SKAP1: variants seen among roughly 807,000 people sequenced by gnomAD.
The protein encoded by SKAP1 is src kinase associated phosphoprotein 1, also known as src kinase-associated phosphoprotein 1.
A neutral mutation model predicts 58.5 loss-of-function variants in SKAP1; 44 were observed. The ratio of observed to expected loss-of-function variants is 0.75; its 90% CI spans 0.59 to 0.97. The LOEUF is 0.97. SKAP1 is among the 50% of genes least tolerant of loss of function. The pLI, the probability that SKAP1 is intolerant of heterozygous loss-of-function variation, is 0.00. For synonymous variants in SKAP1, 127 were observed against 149.7 expected (o/e 0.85, Z 1.11); for missense variants, 390 against 435.2 (o/e 0.90, Z 0.92).
intron 4 of SKAP1, among the ~76,000 whole-genome samples, chr17:48,194,097 C>T (rs1275210166): frequency 2.6e-5 from 4 of 152,062 alleles, no homozygotes; most frequent in Admixed American, 2.6e-4. Context: ...ATAATCTCTC[C>T]CTACCACTAC....
At chr17:48,254,280 G>C (rs1009294547) in intron 4 of SKAP1, among the ~76,000 whole-genome samples, 1 of 152,002 alleles carries the variant, frequency 6.6e-6, no homozygotes, top group Non-Finnish European at 1.5e-5. Flanking sequence ...TTCATAATGT[G>C]CAATGTGTAA....
At chr17:48,280,523 C>CA (rs1310445092) in intron 4 of SKAP1, among the ~76,000 whole-genome samples, 1 of 151,982 alleles carries the variant, frequency 6.6e-6, no homozygotes, top group African/African-American at 2.4e-5. Context: ...AAATGACACA[C>CA]AAAAAACACA....
At chr17:48,376,231 G>A (rs1000745239) in intron 2 of SKAP1, among the ~76,000 whole-genome samples, 7 of 152,028 alleles carry the variant, frequency 4.6e-5, no homozygotes, top group Admixed American at 4.6e-4. Flanking sequence ...CTGAGTGAAT[G>A]TGTGACTGTG....
At chr17:48,241,495 T>C (rs1242511180) in intron 4 of SKAP1, among the ~76,000 whole-genome samples, 3 of 152,196 alleles carry the variant, frequency 2.0e-5, no homozygotes, top group African/African-American at 7.2e-5. Context: ...AATAGGCCAA[T>C]GCTAGTTCAA....
intron 4 of SKAP1, among the ~76,000 whole-genome samples, chr17:48,317,284 A>G (rs1485071443): frequency 1.3e-5 from 2 of 152,254 alleles, no homozygotes; most frequent in Non-Finnish European, 2.9e-5. Flanking sequence ...AAAAAAGACG[A>G]ACATAAAATA....
chr17:48,408,944 G>A (rs1019322380), intron 1 of SKAP1, among the ~76,000 whole-genome samples: 8 of 152,160 alleles, frequency 5.3e-5, no homozygotes, highest in African/African-American at 1.4e-4. Flanking sequence ...AAGTTCCCTC[G>A]ATAGGTCACC....
intron 3 of SKAP1, among the ~76,000 whole-genome samples, chr17:48,350,539 C>CA (rs1488738079): frequency 1.3e-5 from 2 of 151,954 alleles, no homozygotes; most frequent in Non-Finnish European, 2.9e-5. Flanking sequence ...ACTAAAAATA[C>CA]AAAAAAATTA....
At chr17:48,180,033 T>C (rs2064346578) in intron 9 of SKAP1, 21 bp downstream of exon 9, 1 of 1,560,210 alleles carries the variant, frequency 6.4e-7, no homozygotes, top group African/African-American at 1.4e-5. Flanking sequence ...CATAAGATAA[T>C]CAGAGGACAA....
intron 4 of SKAP1, among the ~76,000 whole-genome samples, chr17:48,343,024 C>T (rs1265900298): frequency 6.6e-6 from 1 of 151,924 alleles, no homozygotes; most frequent in Non-Finnish European, 1.5e-5. Context: ...AATATTTTTT[C>T]TTCATAAATA....
At chr17:48,422,958 C>T (rs957742072) in intron 1 of SKAP1, among the ~76,000 whole-genome samples, 4 of 152,030 alleles carry the variant, frequency 2.6e-5, no homozygotes, top group African/African-American at 9.7e-5. Context: ...TATCAGGAGT[C>T]CAATATATGT....
At chr17:48,145,460 C>G (rs2063820681) in intron 11 of SKAP1, among the ~76,000 whole-genome samples, 1 of 151,460 alleles carries the variant, frequency 6.6e-6, no homozygotes, top group South Asian at 2.1e-4. Flanking sequence ...AAAAGAACAG[C>G]AAATTCTATA....
intron 4 of SKAP1, among the ~76,000 whole-genome samples, chr17:48,217,802 A>G (rs67412675): frequency 0.032 from 4,825 of 152,300 alleles, 92 homozygotes; most frequent in East Asian, 0.053. Context: ...TCAGACCATG[A>G]TTTGAGGTTT....
chr17:48,392,176 A>T lies in SKAP1; in HGVS notation c.152+4504T>A, dbSNP rs568521429. 3.9e-5 allele frequency among the ~76,000 whole-genome samples: 6 copies of T among 152,354 alleles called. No homozygotes were observed. The South Asian group carries it at 1.0e-3, about 26-fold the overall frequency. On this transcript the variant is annotated intron_variant, in intron 2 of 12. Coordinates refer to ENST00000336915, the MANE Select transcript of SKAP1 (RefSeq NM_003726.4). ...TTAAAGCTAAATCCACGTTAAGCTGAAAAGAAAACATGAAATTCCCAAAGA... is the reference window on the plus strand; with the variant it reads ...TTAAAGCTAAATCCACGTTAAGCTGTAAAGAAAACATGAAATTCCCAAAGA...
At chr17:48,230,367 T>C (rs2065113310) in intron 4 of SKAP1, among the ~76,000 whole-genome samples, 1 of 152,246 alleles carries the variant, frequency 6.6e-6, no homozygotes, top group Non-Finnish European at 1.5e-5. Flanking sequence ...GGTGTCTTTC[T>C]GCAGATTCTT....
intron 3 of SKAP1, among the ~76,000 whole-genome samples, chr17:48,359,723 C>T (rs1438513578): frequency 1.3e-5 from 2 of 152,090 alleles, no homozygotes; most frequent in Non-Finnish European, 2.9e-5. Context: ...CCTCCCACCT[C>T]AGCCTCCCAA....
chr17:48,199,298 T>C (rs543580984), intron 4 of SKAP1, among the ~76,000 whole-genome samples: 2 of 152,202 alleles, frequency 1.3e-5, no homozygotes, highest in Non-Finnish European at 2.9e-5. Context: ...CATACAAAGA[T>C]TTTTAAGTAC....
chr17:48,211,515 T>C (rs2064872870), intron 4 of SKAP1, among the ~76,000 whole-genome samples: 1 of 152,186 alleles, frequency 6.6e-6, no homozygotes, highest in Non-Finnish European at 1.5e-5. Flanking sequence ...AGCATTCGAA[T>C]ATTCTGTTTC....
the SKAP1 span, among the ~76,000 whole-genome samples, chr17:48,441,172 G>A: frequency 6.6e-6 from 1 of 152,178 alleles, no homozygotes; most frequent in African/African-American, 2.4e-5. Context: ...GATTCATAGG[G>A]TTGCATGAAA....
At chr17:48,221,044 G>A (rs768052046) in intron 4 of SKAP1, among the ~76,000 whole-genome samples, 4 of 151,958 alleles carry the variant, frequency 2.6e-5, no homozygotes, top group Admixed American at 6.6e-5. Flanking sequence ...CAAGGCAGGC[G>A]GATAACGAGG....
Sources: gnomAD v4.1 joint callset for allele counts (sites outside exome capture counted in the v4.1 genomes callset) on GRCh38, gnomAD v4.1.1 for gene constraint, MANE v1.5 for transcripts, NCBI Gene and HGNC (gene_info 2026-07-23, HGNC 2026-07-21) for gene names.